The following PRDM2 variants were observed in gnomAD, a reference collection of about 807,000 sequenced individuals.
PRDM2 encodes the protein PR/SET domain 2.
A neutral mutation model predicts 130.0 loss-of-function variants in PRDM2; 30 were observed. The ratio of observed to expected loss-of-function variants is 0.23; its 90% confidence interval spans 0.17 to 0.31. The LOEUF (loss-of-function observed/expected upper bound fraction) is 0.31, where lower values mean the gene tolerates loss of function less well. PRDM2 is among the 10% of genes least tolerant of loss of function. The pLI is 1.00. For synonymous variants in PRDM2, 871 were observed against 782.4 expected (o/e 1.11, Z -1.89); for missense variants, 2,011 against 2,108.4 (o/e 0.95, Z 0.90).
chr1:13,747,746 C>CGGTTTA (rs1643655491), intron 5 of PRDM2, among the ~76,000 whole-genome samples: 2 of 139,490 alleles, frequency 1.4e-5, no homozygotes, highest in African/African-American at 5.4e-5. Context: ...GTTTCTAAAC[C>CGGTTTA]GTAGGTGGAA....
rs147703734 is a variant in PRDM2, at chr1:13,800,799, G to A, written c.5037-15628G>A. 7.9e-5 allele frequency among the ~76,000 whole-genome samples: 12 copies of A among 151,152 alleles called. No individual in the cohort carries two copies. In the South Asian group the frequency reaches 2.5e-3, roughly 31 times the overall value. ...GCCGGCTCTCACTGAAGGAGGGTTG[G>A]GGGGGGTCTCCTCTCATAAGAGCCT... On this transcript the variant is annotated intron_variant, in intron 8 of 9. Transcript: ENST00000311066.
chr1:13,779,458 A>G lies in PRDM2; in HGVS notation c.1663A>G (p.Ile555Val), dbSNP rs763068985. The G allele has an allele frequency of 3.1e-6, 5 of 1,614,208 alleles. No individual in the cohort carries two copies. Among genetic ancestry groups the G allele is most frequent in the Non-Finnish European group, 4.2e-6 (5 of 1,180,040 alleles). ...EEEGEADDVY[I>V]MDISSNISEN... ...GGAAGGGGAAGCAGATGATGTGTAC[A>G]TCATGGACATTTCTAGCAATATCTC... Residue 555 changes from isoleucine to valine, a missense_variant, in exon 8 of 10, where the codon ATC (isoleucine) becomes GTC (valine). By Grantham distance (29) the Ile-to-Val change is conservative. Around this residue, in one of 5 missense-constraint regions of PRDM2, gnomAD observed 1,288 missense variants for 1,237.7 expected, o/e 1.04. Coordinates refer to ENST00000311066, the MANE Select transcript of PRDM2 (RefSeq NM_001393986.1). The surrounding 1 kb of genome is among the most constrained non-coding windows in gnomAD (Gnocchi z 4.9).
At chr1:13,816,213 G>T (rs1645254615) in intron 8 of PRDM2, among the ~76,000 whole-genome samples, 3 of 152,202 alleles carry the variant, frequency 2.0e-5, no homozygotes, top group Admixed American at 6.5e-5. Flanking sequence ...CGAGGGGAGA[G>T]AATTGGTGGA....
intron 1 of PRDM2, among the ~76,000 whole-genome samples, chr1:13,708,442 A>G (rs1399776138): frequency 3.9e-5 from 6 of 152,188 alleles, no homozygotes; most frequent in Non-Finnish European, 1.5e-5. Flanking sequence ...TGCAGCTCCA[A>G]AGCCACTGAG....
intron 8 of PRDM2, chr1:13,786,870 G>T: frequency 1.9e-6 from 2 of 1,066,376 alleles, no homozygotes; most frequent in Non-Finnish European, 1.1e-6. Context: ...GGATTGATTT[G>T]AACTTAACCT....
chr1:13,755,058 G>T (rs990714516), intron 6 of PRDM2, among the ~76,000 whole-genome samples: 2 of 152,016 alleles, frequency 1.3e-5, no homozygotes, highest in African/African-American at 4.8e-5. Context: ...TTATGGTGGC[G>T]GTCTGTTTTT....
chr1:13,709,919 C>T (rs1417688921), intron 1 of PRDM2, among the ~76,000 whole-genome samples: 2 of 152,040 alleles, frequency 1.3e-5, no homozygotes, highest in Non-Finnish European at 2.9e-5. Context: ...TCCAGTTACT[C>T]CTCCCTCCCT....
intron 1 of PRDM2, among the ~76,000 whole-genome samples, chr1:13,710,538 G>T (rs1642337055): frequency 6.6e-6 from 1 of 152,162 alleles, no homozygotes; most frequent in Non-Finnish European, 1.5e-5. Context: ...TGTTAGATAT[G>T]TAAAATAGAG....
Position 13,781,730 on chromosome 1 carries a change from G to A in PRDM2, c.3935G>A (p.Gly1312Glu). The A allele has an allele frequency of 6.2e-7, 1 of 1,614,132 alleles. No homozygotes were observed. The highest frequency in any genetic ancestry group is 8.5e-7 in the Non-Finnish European group (1 of 1,180,046). ...PFQYHHRNPM[G>E]IGVTATNFTT... ...CAGTACCATCACCGTAACCCCATGG[G>A]GATTGGTGTGACAGCCACAAATTTC... The change falls in exon 8 of 10, where the codon GGG becomes GAG. Residue 1312 changes from glycine (G) to glutamate (E), a missense_variant. By Grantham distance (98) the Gly-to-Glu change is moderately conservative. Transcript: ENST00000311066. The surrounding 1 kb of genome is among the most constrained non-coding windows in gnomAD (Gnocchi z 6.1).
intron 8 of PRDM2, among the ~76,000 whole-genome samples, chr1:13,790,159 T>C (rs769486567): frequency 1.8e-4 from 28 of 152,200 alleles, no homozygotes; most frequent in Non-Finnish European, 3.2e-4. Context: ...CTGGGTAATA[T>C]GTACTTTAAA....
At chr1:13,706,232 A>C (rs939089152) in intron 1 of PRDM2, among the ~76,000 whole-genome samples, 2 of 152,064 alleles carry the variant, frequency 1.3e-5, no homozygotes, top group Admixed American at 6.5e-5. Flanking sequence ...TTCAAACCCT[A>C]ATTGCCTGTT....
chr1:13,821,655 C>T (rs1172789856), intron 9 of PRDM2, among the ~76,000 whole-genome samples: 1 of 152,014 alleles, frequency 6.6e-6, no homozygotes, highest in Admixed American at 6.6e-5. Flanking sequence ...TTAGTAGAGA[C>T]TGGGTTTCAT....
intron 1 of PRDM2, among the ~76,000 whole-genome samples, chr1:13,712,157 G>A (rs754429668): frequency 1.3e-5 from 2 of 151,934 alleles, no homozygotes. Flanking sequence ...CCAGGAGTTC[G>A]AGGCTGCAGT....
At chr1:13,778,131 CCCAGCT>C (rs1206612009) in intron 7 of PRDM2, among the ~76,000 whole-genome samples, 1 of 152,154 alleles carries the variant, frequency 6.6e-6, no homozygotes, top group Non-Finnish European at 1.5e-5. Flanking sequence ...AACACAAATC[CCCAGCT>C]CCACACGGAC....
In PRDM2 at chr1:13,751,217, T is replaced by A. The variant is rs192469310; in HGVS notation, c.511+1730T>A. Reference sequence around the variant, plus strand: ...TATGAACTTAATAGCTGCATTTTTATACCTGCGTAGACTGTTGGTGTTTCG... The same window carrying A: ...TATGAACTTAATAGCTGCATTTTTAAACCTGCGTAGACTGTTGGTGTTTCG... On this transcript the variant is annotated intron_variant, in intron 6 of 9. Transcript: ENST00000311066. Among the ~76,000 whole-genome samples the A allele has an allele frequency of 3.7e-4, 57 of 152,354 alleles. 1 individual carries two copies. Among genetic ancestry groups the A allele is most frequent in the African/African-American group, 1.3e-3 (53 of 41,598 alleles).
chr1:13,815,309 A>T (rs1645239764), intron 8 of PRDM2, among the ~76,000 whole-genome samples: 1 of 151,964 alleles, frequency 6.6e-6, no homozygotes, highest in Non-Finnish European at 1.5e-5. Context: ...ACAGGGTTTC[A>T]CCATGTTCGC....
intron 8 of PRDM2, among the ~76,000 whole-genome samples, chr1:13,800,847 C>T (rs1644995876): frequency 6.6e-6 from 1 of 152,156 alleles, no homozygotes; most frequent in East Asian, 1.9e-4. Context: ...CTCCATTGAG[C>T]TCCTGCTCTG....
chr1:13,734,114 G>A (rs957969066), intron 4 of PRDM2, among the ~76,000 whole-genome samples: 3 of 152,092 alleles, frequency 2.0e-5, no homozygotes, highest in Non-Finnish European at 4.4e-5. Flanking sequence ...GACTATTAAC[G>A]GGGGGTGTCT....
intron 6 of PRDM2, among the ~76,000 whole-genome samples, chr1:13,762,779 C>T (rs1373128048): frequency 6.6e-6 from 1 of 152,180 alleles, no homozygotes; most frequent in African/African-American, 2.4e-5. Flanking sequence ...TCAGGCTTCC[C>T]GGCTTTACCT....
Sources: gnomAD v4.1 joint callset for allele counts (sites outside exome capture counted in the v4.1 genomes callset) on GRCh38, gnomAD v4.1.1 for gene constraint, gnomAD v4.1.1 regional missense constraint, Gnocchi (gnomAD v3.1) non-coding constraint, MANE v1.5 for transcripts, NCBI Gene and HGNC (gene_info 2026-07-23, HGNC 2026-07-21) for gene names.